Variants in DENND2B observed in about 807,000 individuals in gnomAD.
DENND2B encodes DENN domain containing 2B.
DENND2B carries 32 observed loss-of-function variants against 116.0 expected under a neutral mutation model. The observed-to-expected ratio is 0.28, with a 90% CI of 0.21 to 0.37. The LOEUF is 0.37. Ranked by LOEUF, DENND2B falls within the 10% of genes least tolerant of loss-of-function variation. The probability of loss-of-function intolerance (pLI) is 1.00; values close to 1 mark genes in which losing one functional copy is unlikely to be tolerated. For missense variants in DENND2B, 1,276 were observed against 1,477.7 expected (o/e 0.86, Z 2.24); for synonymous variants, 588 against 583.9 (o/e 1.01, Z -0.10).
At chr11:8,711,621 G>A (rs950344750) in intron 9 of DENND2B, among the ~76,000 whole-genome samples, 4 of 151,936 alleles carry the variant, frequency 2.6e-5, no homozygotes, top group South Asian at 2.1e-4. Flanking sequence ...TAATCCCAGC[G>A]CTTTGGGAGG....
intron 1 of DENND2B, among the ~76,000 whole-genome samples, chr11:8,763,086 C>A (rs2054980983): frequency 6.6e-6 from 1 of 152,036 alleles, no homozygotes. Flanking sequence ...ACAAGTAGAA[C>A]AGATACTTCA....
intron 16 of DENND2B, 141 bp downstream of exon 16, chr11:8,698,792 C>G: frequency 1.0e-6 from 1 of 996,686 alleles, no homozygotes; most frequent in South Asian, 1.3e-5. Flanking sequence ...CCAAGACCAG[C>G]TTCTCCCCAC....
intron 2 of DENND2B, among the ~76,000 whole-genome samples, chr11:8,738,059 A>G (rs1355618625): frequency 1.3e-5 from 2 of 152,162 alleles, no homozygotes; most frequent in Non-Finnish European, 2.9e-5. Context: ...TGTGACTGTA[A>G]TTGGAATGAT....
upstream of DENND2B, among the ~76,000 whole-genome samples, chr11:8,875,417 AT>A (rs1004627821): frequency 1.8e-3 from 270 of 146,600 alleles, 2 homozygotes; most frequent in African/African-American, 5.0e-3. Context: ...TGACACTGTG[AT>A]TTTTTTTTTT....
chr11:8,734,954 G>A lies in DENND2B; in HGVS notation c.81-3745C>T, dbSNP rs1046750079. Among the ~76,000 whole-genome samples the A allele has an allele frequency of 6.5e-5, 8 of 123,530 alleles. No individual in the cohort carries two copies. In the East Asian group the frequency reaches 2.2e-3, roughly 34 times the overall value. 81.0% of individuals were successfully genotyped at this position (123,530 alleles called of 152,430 possible). A position where few individuals can be genotyped will look rare whatever the true frequency, so the allele number is the denominator to read the frequency against. On this transcript the variant is annotated intron_variant, in intron 2 of 19. Transcript: ENST00000313726. ...CTGGCTCTTCAGAGTAATCACCTGG[G>A]AAATTTGGTCAGTTTGCCACTGTCA...
intron 4 of DENND2B, among the ~76,000 whole-genome samples, chr11:8,829,106 T>C (rs1374879072): frequency 3.4e-5 from 5 of 148,898 alleles, no homozygotes; most frequent in Admixed American, 2.7e-4. Flanking sequence ...TGTGGGTATG[T>C]GGTGTGCTTT....
At chr11:8,779,969 G>C (rs181089573) in intron 1 of DENND2B, among the ~76,000 whole-genome samples, 1 of 152,342 alleles carries the variant, frequency 6.6e-6, no homozygotes, top group East Asian at 1.9e-4. Flanking sequence ...GCTCCCCCAG[G>C]TGCAGTGTGG....
intron 4 of DENND2B, chr11:8,719,270 T>C (rs556841261): frequency 1.0e-6 from 1 of 976,586 alleles, no homozygotes; most frequent in African/African-American, 1.7e-5. Flanking sequence ...TCCCTCCACA[T>C]TGTGGCATCT....
chr11:8,869,976 A>G (rs1376797914), intron 2 of DENND2B, among the ~76,000 whole-genome samples: 2 of 152,210 alleles, frequency 1.3e-5, no homozygotes, highest in African/African-American at 2.4e-5. Context: ...AAAAATATTA[A>G]AACAAAACAA....
chr11:8,748,209 C>CTCCTTGGA (rs2051651865), intron 2 of DENND2B, among the ~76,000 whole-genome samples: 2 of 152,314 alleles, frequency 1.3e-5, no homozygotes, highest in South Asian at 4.1e-4. Flanking sequence ...GAGGAGTCTC[C>CTCCTTGGA]TCCTTGGATT....
chr11:8,896,656 C>G (rs751546235), intron 1 of DENND2B, among the ~76,000 whole-genome samples: 2 of 152,152 alleles, frequency 1.3e-5, no homozygotes, highest in Non-Finnish European at 2.9e-5. Flanking sequence ...CCCACACAAC[C>G]ATTCTGTTTT....
At chr11:8,794,776 G>GCCTTCT (rs2059671341) in intron 1 of DENND2B, 1 of 152,268 alleles carries the variant, frequency 6.6e-6, no homozygotes, top group Non-Finnish European at 1.5e-5. Flanking sequence ...ACCTGCTCAG[G>GCCTTCT]CAGCAACAAG....
chr11:8,724,291 G>T (rs1457093832), intron 4 of DENND2B, among the ~76,000 whole-genome samples: 3 of 150,236 alleles, frequency 2.0e-5, no homozygotes, highest in African/African-American at 7.4e-5. Context: ...GCGAGACTCC[G>T]TCTCAAAAAA....
chr11:8,753,399 C>A (rs1270719262), intron 1 of DENND2B, among the ~76,000 whole-genome samples: 1 of 151,942 alleles, frequency 6.6e-6, no homozygotes, highest in East Asian at 1.9e-4. Context: ...TATAAAACAT[C>A]ATTGAAAGAA....
chr11:8,811,180 G>T, upstream of DENND2B: 1 of 397,632 alleles, frequency 2.5e-6, no homozygotes, highest in South Asian at 1.3e-4. Flanking sequence ...GGATTTTTCC[G>T]GGCAGCAGTT....
At chr11:8,874,767 A>G (rs2063824689), upstream of DENND2B, among the ~76,000 whole-genome samples, 2 of 152,036 alleles carry the variant, frequency 1.3e-5, no homozygotes, top group South Asian at 4.2e-4. Flanking sequence ...AAAAAAAAAA[A>G]AAAATTAGCT....
intron 4 of DENND2B, among the ~76,000 whole-genome samples, chr11:8,823,107 A>C (rs1393475294): frequency 4.5e-5 from 2 of 44,564 alleles, no homozygotes; most frequent in African/African-American, 1.5e-4. Context: ...TTGGGGACTT[A>C]AAAAGTAATA....
intron 4 of DENND2B, among the ~76,000 whole-genome samples, chr11:8,833,549 A>C (rs1276712575): frequency 6.6e-6 from 1 of 152,108 alleles, no homozygotes; most frequent in African/African-American, 2.4e-5. Context: ...ATATAGACAC[A>C]CGTCTGTTCT....
chr11:8,718,345 C>T (rs2045453377), intron 4 of DENND2B: 3 of 1,534,690 alleles, frequency 2.0e-6, no homozygotes, highest in Non-Finnish European at 2.6e-6. Flanking sequence ...CAGGGGATCT[C>T]CCTGGGGACC....
Sources: gnomAD v4.1 joint callset for allele counts (sites outside exome capture counted in the v4.1 genomes callset) on GRCh38, gnomAD v4.1.1 for gene constraint, MANE v1.5 for transcripts, NCBI Gene and HGNC (gene_info 2026-07-23, HGNC 2026-07-21) for gene names.